ECT2: variants seen among roughly 807,000 people sequenced by gnomAD.
The protein encoded by ECT2 is protein ECT2.
In ECT2, 61 loss-of-function variants were observed where a neutral mutation model predicts 116.9. The ratio of observed to expected loss-of-function variants is 0.52; its 90% CI spans 0.42 to 0.65. The LOEUF (loss-of-function observed/expected upper bound fraction) is 0.65, where lower values mean the gene tolerates loss of function less well. Among genes scored for constraint, ECT2 ranks in the 30% least tolerant of loss-of-function variants. ECT2 has a pLI of 0.00. For missense variants in ECT2, 937 were observed against 1,078.7 expected (o/e 0.87, Z 1.84); for synonymous variants, 358 against 346.4 (o/e 1.03, Z -0.37).
chr3:172,758,414 A>G (rs1576839952), intron 5 of ECT2, among the ~76,000 whole-genome samples: 1 of 152,234 alleles, frequency 6.6e-6, no homozygotes, highest in East Asian at 1.9e-4. Context: ...ATAATCTTAT[A>G]TAATGATGAA....
At chr3:172,772,126 G>A (rs568220720) in intron 13 of ECT2, among the ~76,000 whole-genome samples, 4 of 152,008 alleles carry the variant, frequency 2.6e-5, no homozygotes, top group South Asian at 4.2e-4. Flanking sequence ...TCAGCCTCCC[G>A]AGCACTTGGG....
At chr3:172,792,545 A>G (rs556006965) in intron 18 of ECT2, among the ~76,000 whole-genome samples, 1 of 151,868 alleles carries the variant, frequency 6.6e-6, no homozygotes, top group East Asian at 1.9e-4. Flanking sequence ...TTGTATGGCT[A>G]TATCACAGTT....
chr3:172,787,682 TACTCTTG>T (rs1470937852), intron 18 of ECT2, among the ~76,000 whole-genome samples: 1 of 152,208 alleles, frequency 6.6e-6, no homozygotes, highest in Non-Finnish European at 1.5e-5. Flanking sequence ...TGGTTTAAAA[TACTCTTG>T]ACACACATTA....
At chr3:172,819,658 A>T (rs1442236251) in intron 24 of ECT2, among the ~76,000 whole-genome samples, 1 of 152,096 alleles carries the variant, frequency 6.6e-6, no homozygotes, top group Non-Finnish European at 1.5e-5. Flanking sequence ...ATACACTCTG[A>T]CACTCACATA....
intron 2 of ECT2, 35 bp from the exon 3 acceptor site, chr3:172,755,260 C>CACACA: frequency 6.6e-7 from 1 of 1,506,674 alleles, no homozygotes; most frequent in South Asian, 1.2e-5. Context: ...GATGTTAATA[C>CACACA]ATGATAAACA....
chr3:172,808,193 T>C (rs575587391), intron 22 of ECT2, among the ~76,000 whole-genome samples: 5 of 152,250 alleles, frequency 3.3e-5, no homozygotes, highest in Admixed American at 1.3e-4. Flanking sequence ...TTTTGGGACT[T>C]CTTGTAATGT....
At position 172,816,009 on chromosome 3, in the gene ECT2, C is replaced by T. The variant is rs147438587; in HGVS notation, c.2508+298C>T. 3.2e-3 allele frequency among the ~76,000 whole-genome samples: 482 copies of T among 152,144 alleles called. 1 individual carries two copies. Among genetic ancestry groups the T allele is most frequent in the African/African-American group, 8.2e-3 (339 of 41,534 alleles). Reference sequence around the variant, plus strand: ...ATGTGTGCACTCATCTTAAATATATCGCCACAGTTATTTTCAGCAAAGGGC... The same window carrying T: ...ATGTGTGCACTCATCTTAAATATATTGCCACAGTTATTTTCAGCAAAGGGC... On this transcript the variant is annotated intron_variant, in intron 23 of 24. Coordinates refer to ENST00000392692, the MANE Select transcript of ECT2 (RefSeq NM_001258315.2).
intron 13 of ECT2, among the ~76,000 whole-genome samples, chr3:172,770,754 A>G (rs776483940): frequency 6.6e-6 from 1 of 152,228 alleles, no homozygotes; most frequent in Admixed American, 6.5e-5. Context: ...ATGAATATCC[A>G]GAGGCTTCTT....
At position 172,764,324 on chromosome 3, in the gene ECT2, A is replaced by G. The variant is rs1279960428; in HGVS notation, c.1115A>G (p.Asn372Ser). 2.5e-6 allele frequency: 4 copies of G among 1,614,048 alleles called. No individual in the cohort carries two copies. Among genetic ancestry groups the G allele is most frequent in the Non-Finnish European group, 3.4e-6 (4 of 1,180,006 alleles). Residue 372 changes from asparagine to serine, a missense_variant, in exon 12 of 25, where the codon AAT becomes AGT. Transcript: ENST00000392692. ...AAATCAGTGTCAATGCTTTCTCTAA[A>G]TACCCCTAACAGCAATCGCAAACGA... is the stretch of plus-strand genomic sequence containing the variant. ...LKKSVSMLSL[N>S]TPNSNRKRRR...
chr3:172,814,149 A>G (rs1334477549), intron 22 of ECT2, among the ~76,000 whole-genome samples: 2 of 152,050 alleles, frequency 1.3e-5, no homozygotes, highest in Non-Finnish European at 2.9e-5. Flanking sequence ...GGCAGAGGGG[A>G]TGTGGTTGTT....
chr3:172,766,654 A>C (rs1719449475), intron 12 of ECT2, among the ~76,000 whole-genome samples: 1 of 152,240 alleles, frequency 6.6e-6, no homozygotes, highest in Non-Finnish European at 1.5e-5. Context: ...ATTTAAATGA[A>C]AGAAATGTTG....
intron 12 of ECT2, among the ~76,000 whole-genome samples, chr3:172,766,543 A>G (rs1486018731): frequency 6.6e-6 from 1 of 152,242 alleles, no homozygotes; most frequent in Non-Finnish European, 1.5e-5. Context: ...GTGCTGAACC[A>G]GAGTATGTGG....
intron 14 of ECT2, among the ~76,000 whole-genome samples, chr3:172,780,272 G>A (rs6806182): frequency 0.062 from 9,381 of 152,082 alleles, 975 homozygotes; most frequent in African/African-American, 0.21. Context: ...TAAATGTAGC[G>A]TGTTAGAAGT....
chr3:172,802,775 T>G (rs1726957619), intron 19 of ECT2, 81 bp downstream of exon 19: 1 of 1,508,912 alleles, frequency 6.6e-7, no homozygotes, highest in Non-Finnish European at 9.0e-7. Context: ...AAATAATATC[T>G]TGGCACTACT....
chr3:172,827,456 G>T, the ECT2 span, among the ~76,000 whole-genome samples: 2 of 152,124 alleles, frequency 1.3e-5, no homozygotes, highest in South Asian at 4.1e-4. Flanking sequence ...CTGTAAAAAA[G>T]AATAAAACTC....
chr3:172,762,987 CCTTA>C lies in ECT2; in HGVS notation c.1068+20_1068+23del. The C allele has an allele frequency of 1.2e-6, 2 of 1,612,356 alleles. No homozygotes were observed. The highest frequency in any genetic ancestry group is 1.7e-6 in the Non-Finnish European group (2 of 1,179,088). On this transcript the variant is annotated intron_variant, in intron 11 of 24. Transcript: ENST00000392692. ...TATATGAAAAGGTATGCTTTTAACC[CCTTA>C]CTTATTTGTTCTGTGAGCTTGATTG...
chr3:172,756,374 A>T (rs928637696), intron 4 of ECT2, among the ~76,000 whole-genome samples: 2 of 152,174 alleles, frequency 1.3e-5, no homozygotes, highest in Non-Finnish European at 2.9e-5. Flanking sequence ...TCGTGGATGT[A>T]TAAAGTGTTT....
intron 20 of ECT2, 52 bp downstream of exon 20, chr3:172,803,032 C>A: frequency 6.9e-7 from 1 of 1,456,694 alleles, no homozygotes; most frequent in Non-Finnish European, 9.2e-7. Flanking sequence ...TTGTAAGTTC[C>A]CTGAATATTT....
At chr3:172,781,036 A>G (rs1195004917) in intron 14 of ECT2, among the ~76,000 whole-genome samples, 1 of 152,086 alleles carries the variant, frequency 6.6e-6, no homozygotes, top group Admixed American at 6.5e-5. Context: ...TTCTAACTCA[A>G]GATTTTGAAG....
Sources: gnomAD v4.1 joint callset for allele counts (sites outside exome capture counted in the v4.1 genomes callset) on GRCh38, gnomAD v4.1.1 for gene constraint, MANE v1.5 for transcripts, NCBI Gene and HGNC (gene_info 2026-07-23, HGNC 2026-07-21) for gene names.